The following RAD54L2 variants were observed in gnomAD, a reference collection of about 807,000 sequenced individuals.
The protein encoded by RAD54L2 is RAD54 like 2.
Under a neutral mutation model 138.4 loss-of-function variants are expected in RAD54L2, and 27 were observed. That is an observed-to-expected ratio of 0.20 (90% confidence interval 0.14 to 0.27). RAD54L2 has a LOEUF of 0.27. Ranked by LOEUF, RAD54L2 falls within the 10% of genes least tolerant of loss-of-function variation. The pLI is 1.00. For synonymous variants in RAD54L2, 644 were observed against 723.2 expected, an observed-to-expected ratio of 0.89 and a Z score of 1.76; for missense variants, 1,396 against 1,890.2, an observed-to-expected ratio of 0.74 and a Z score of 4.85.
At chr3:51,626,239 G>A (rs1281443116) in intron 3 of RAD54L2, among the ~76,000 whole-genome samples, 1 of 151,806 alleles carries the variant, frequency 6.6e-6, no homozygotes, top group Admixed American at 6.6e-5. Context: ...TGGTTGTGTA[G>A]TGCCTGTGTC....
At chr3:51,631,038 A>G in intron 7 of RAD54L2, 107 bp downstream of exon 7, 1 of 1,135,106 alleles carries the variant, frequency 8.8e-7, no homozygotes, top group Non-Finnish European at 1.3e-6. Context: ...CTTGTTTGGT[A>G]CCAAGAGCAG....
At chr3:51,586,780 G>T (rs1259674511) in intron 2 of RAD54L2, among the ~76,000 whole-genome samples, 2 of 151,838 alleles carry the variant, frequency 1.3e-5, no homozygotes, top group African/African-American at 2.4e-5. Context: ...TGTTGTTTGG[G>T]CTGGTCTTGA....
At chr3:51,594,488 T>G (rs1699915883) in intron 3 of RAD54L2, among the ~76,000 whole-genome samples, 1 of 152,206 alleles carries the variant, frequency 6.6e-6, no homozygotes, top group Non-Finnish European at 1.5e-5. Context: ...AGCAAGAAAT[T>G]GGCAAAGCTG....
Position 51,601,310 on chromosome 3 carries a change from C to CT in RAD54L2, c.139+10766dup, listed in dbSNP as rs779030766. On this transcript the variant is annotated intron_variant, in intron 3 of 22. Transcript: ENST00000684192. ...TACAGGCATGAACCACTGCGCCCGG[C>CT]TTTTTTTTTTTTTTTGAGAGGGAGT... Among the ~76,000 whole-genome samples, 506 of 123,068 alleles carry CT rather than the reference C, an allele frequency of 4.1e-3. 1 individual carries two copies. Among genetic ancestry groups the CT allele is most frequent in the Middle Eastern group, 0.02 (4 of 200 alleles). The allele number at this position is 123,068 out of a possible 152,430, so 80.7% of individuals were successfully genotyped here.
At chr3:51,653,415 G>GC (rs1224646370) in intron 19 of RAD54L2, among the ~76,000 whole-genome samples, 1 of 152,156 alleles carries the variant, frequency 6.6e-6, no homozygotes, top group African/African-American at 2.4e-5. Context: ...ATTTGACCCA[G>GC]CCATCCCATT....
intron 19 of RAD54L2, among the ~76,000 whole-genome samples, chr3:51,655,131 A>G (rs1701563452): frequency 6.6e-6 from 1 of 152,220 alleles, no homozygotes; most frequent in Admixed American, 6.5e-5. Context: ...ACCAGCTCCA[A>G]CAGCAGAGTG....
In RAD54L2 at chr3:51,638,358, T is replaced by G. The variant is rs1343783469; in HGVS notation, c.1860+37T>G. 17 of 1,608,188 alleles carry G rather than the reference T, an allele frequency of 1.1e-5. No homozygotes were observed. Among genetic ancestry groups the G allele is most frequent in the Non-Finnish European group, 1.4e-5 (16 of 1,175,994 alleles). On this transcript the variant is annotated intron_variant, in intron 12 of 22. Coordinates refer to ENST00000684192, the MANE Select transcript of RAD54L2 (RefSeq NM_015106.4). This position sits in a 1 kb window ranked among gnomAD's most constrained non-coding sequence, Gnocchi z 4.3. Reference sequence around the variant, plus strand: ...CCTCAGGGAAGATTGAGATGGGGACTAAGGATACACATGGTCCCAAGGGAG... The same window carrying G: ...CCTCAGGGAAGATTGAGATGGGGACGAAGGATACACATGGTCCCAAGGGAG...
chr3:51,559,018 C>T (rs942511447), intron 2 of RAD54L2, among the ~76,000 whole-genome samples: 1 of 151,940 alleles, frequency 6.6e-6, no homozygotes, highest in Non-Finnish European at 1.5e-5. Context: ...GGATTACAGG[C>T]GTATACCACC....
intron 2 of RAD54L2, among the ~76,000 whole-genome samples, chr3:51,581,608 C>T (rs552859735): frequency 5.9e-5 from 9 of 152,062 alleles, no homozygotes; most frequent in Non-Finnish European, 1.0e-4. Flanking sequence ...GGTCTGGGCT[C>T]GAAAGCACCC....
At chr3:51,544,751 T>C (rs1173764312) in intron 2 of RAD54L2, among the ~76,000 whole-genome samples, 1 of 152,118 alleles carries the variant, frequency 6.6e-6, no homozygotes, top group Non-Finnish European at 1.5e-5. Flanking sequence ...GGACTATAGG[T>C]GCGCCACCAT....
chr3:51,562,839 T>C (rs1417814410), intron 2 of RAD54L2, among the ~76,000 whole-genome samples: 2 of 151,604 alleles, frequency 1.3e-5, no homozygotes, highest in Non-Finnish European at 2.9e-5. Context: ...GAGGTCTCAC[T>C]TTGTTGCCCA....
chr3:51,594,716 G>A (rs1378040280), intron 3 of RAD54L2, among the ~76,000 whole-genome samples: 1 of 152,030 alleles, frequency 6.6e-6, no homozygotes, highest in Non-Finnish European at 1.5e-5. Flanking sequence ...TATGGCAAAT[G>A]CTAAGGAATG....
chr3:51,576,529 G>A (rs1348986594), intron 2 of RAD54L2, among the ~76,000 whole-genome samples: 1 of 152,158 alleles, frequency 6.6e-6, no homozygotes, highest in African/African-American at 2.4e-5. Flanking sequence ...TTCAGAGCCT[G>A]TTATTGGTCT....
At chr3:51,547,820 G>T (rs1008804479) in intron 2 of RAD54L2, among the ~76,000 whole-genome samples, 3 of 152,068 alleles carry the variant, frequency 2.0e-5, no homozygotes, top group Non-Finnish European at 2.9e-5. Flanking sequence ...GAGCTCAAGC[G>T]ATTCACCCGC....
At position 51,646,438 on chromosome 3, in the gene RAD54L2, G is replaced by A. The variant is rs772918692; in HGVS notation, c.2983G>A (p.Asp995Asn). 35 of 1,613,476 alleles carry A rather than the reference G, an allele frequency of 2.2e-5. No individual in the cohort carries two copies. The highest frequency in any genetic ancestry group is 1.3e-4 in the South Asian group (12 of 91,010). The change falls in exon 19 of 23, where the codon GAT (aspartate) becomes AAT (asparagine). Residue 995 changes from aspartate (D) to asparagine (N), a missense_variant. By Grantham distance (23) the Asp-to-Asn change is conservative. This residue lies in a region of RAD54L2 where 634 missense variants were observed against 711.2 expected (regional missense o/e 0.89). Coordinates refer to ENST00000684192, the MANE Select transcript of RAD54L2 (RefSeq NM_015106.4). ...GTATGCGCAGTATTACCCTGCCAGC[G>A]ATCAGAGCCTGACCAGCATCCCCGC... is the stretch of plus-strand genomic sequence containing the variant. ...PSYAQYYPAS[D>N]QSLTSIPAFS...
At chr3:51,616,818 ACT>A (rs1700454633) in intron 3 of RAD54L2, among the ~76,000 whole-genome samples, 1 of 151,988 alleles carries the variant, frequency 6.6e-6, no homozygotes, top group Non-Finnish European at 1.5e-5. Flanking sequence ...ACAGAGTGAG[ACT>A]CTGTCTCAAA....
chr3:51,632,043 T>TTA (rs1177908987), intron 7 of RAD54L2, among the ~76,000 whole-genome samples: 2 of 152,130 alleles, frequency 1.3e-5, no homozygotes, highest in African/African-American at 4.8e-5. Context: ...GAGATCAACT[T>TTA]TTTTAGTTCT....
chr3:51,625,789 G>C (rs1010592460), intron 3 of RAD54L2, among the ~76,000 whole-genome samples: 4 of 152,080 alleles, frequency 2.6e-5, no homozygotes, highest in Non-Finnish European at 5.9e-5. Flanking sequence ...TTGAGTCCAG[G>C]AGTTTGAGGC....
intron 2 of RAD54L2, among the ~76,000 whole-genome samples, chr3:51,548,032 C>T (rs1384157513): frequency 1.4e-5 from 2 of 145,244 alleles, no homozygotes; most frequent in Non-Finnish European, 3.0e-5. Context: ...ACTGGGATTA[C>T]AGGCACCTGC....
Sources: allele counts gnomAD v4.1 joint callset (sites outside exome capture counted in the v4.1 genomes callset), GRCh38; gene constraint gnomAD v4.1.1; regional missense constraint gnomAD v4.1.1; non-coding constraint Gnocchi (gnomAD v3.1); transcripts MANE v1.5; gene names NCBI Gene and HGNC (gene_info 2026-07-23, HGNC 2026-07-21).